Variants in TAF1B observed in about 807,000 individuals in gnomAD.
The protein encoded by TAF1B is TATA box-binding protein-associated factor RNA polymerase I subunit B.
Under a neutral mutation model 83.9 loss-of-function variants are expected in TAF1B, and 61 were observed. The observed-to-expected ratio is 0.73, with a 90% CI of 0.59 to 0.90. The LOEUF (loss-of-function observed/expected upper bound fraction) is 0.90, where lower values mean the gene tolerates loss of function less well. Ranked by LOEUF, TAF1B falls within the 40% of genes least tolerant of loss-of-function variation. TAF1B has a pLI of 0.00. For missense variants in TAF1B, 625 were observed against 677.0 expected, an observed-to-expected ratio of 0.92 and a Z score of 0.85; for synonymous variants, 221 against 224.6, an observed-to-expected ratio of 0.98 and a Z score of 0.14.
intron 14 of TAF1B, among the ~76,000 whole-genome samples, chr2:9,923,830 G>A (rs954245268): frequency 6.6e-6 from 1 of 152,224 alleles, no homozygotes. Flanking sequence ...TCCTGAAGAG[G>A]AGAAAGAGTT....
intron 5 of TAF1B, among the ~76,000 whole-genome samples, chr2:9,857,858 A>C (rs1663614310): frequency 6.6e-6 from 1 of 152,168 alleles, no homozygotes; most frequent in African/African-American, 2.4e-5. Flanking sequence ...CCCATGATCC[A>C]GTCACCTCTC....
At chr2:9,899,177 C>T (rs892881794) in intron 8 of TAF1B, among the ~76,000 whole-genome samples, 3 of 152,168 alleles carry the variant, frequency 2.0e-5, no homozygotes, top group African/African-American at 7.2e-5. Context: ...CCACTTGTTC[C>T]AGCCTCTGGT....
In TAF1B at chr2:9,933,903, C is replaced by G; in HGVS notation, c.1686C>G (p.Ser562Arg). ...IKTSLLHEEV[S>R]LVEKKLFEKK... Reference sequence around the variant, plus strand: ...CTTCCCTTCTCCATGAAGAAGTGAGCTTAGTTGAGAAGAAACTTTTTGAGA... The same window carrying G: ...CTTCCCTTCTCCATGAAGAAGTGAGGTTAGTTGAGAAGAAACTTTTTGAGA... The change falls in exon 15 of 15, where the codon AGC becomes AGG. Residue 562 changes from serine to arginine, a missense_variant. Transcript: ENST00000263663. 2.5e-6 allele frequency: 4 copies of G among 1,613,556 alleles called. No individual in the cohort carries two copies. The highest frequency in any genetic ancestry group is 3.4e-6 in the Non-Finnish European group (4 of 1,179,800).
At chr2:9,920,118 TTC>T (rs1021601199) in intron 14 of TAF1B, among the ~76,000 whole-genome samples, 1 of 152,240 alleles carries the variant, frequency 6.6e-6, no homozygotes, top group Non-Finnish European at 1.5e-5. Flanking sequence ...TACATATCAC[TTC>T]TCTGAGTCAG....
At chr2:9,905,371 G>C (rs921025360) in intron 9 of TAF1B, among the ~76,000 whole-genome samples, 1 of 152,048 alleles carries the variant, frequency 6.6e-6, no homozygotes, top group South Asian at 2.1e-4. Flanking sequence ...TTTGCATGAG[G>C]CATTATTATT....
chr2:9,882,955 A>G, intron 8 of TAF1B, 150 bp downstream of exon 8: 1 of 538,218 alleles, frequency 1.9e-6, no homozygotes, highest in Non-Finnish European at 3.2e-6. Flanking sequence ...GTAGAATTTT[A>G]TTATTTTTTA....
chr2:9,863,644 A>C (rs1663856608), intron 5 of TAF1B, among the ~76,000 whole-genome samples: 1 of 152,232 alleles, frequency 6.6e-6, no homozygotes, highest in Non-Finnish European at 1.5e-5. Context: ...CAGAATATAC[A>C]TTATTTTCAG....
intron 14 of TAF1B, among the ~76,000 whole-genome samples, chr2:9,929,391 C>A (rs767846878): frequency 6.6e-6 from 1 of 152,140 alleles, no homozygotes; most frequent in Non-Finnish European, 1.5e-5. Flanking sequence ...ATCTCCTGAC[C>A]TCGTGATCCA....
At chr2:9,887,874 A>G (rs1664729043) in intron 8 of TAF1B, among the ~76,000 whole-genome samples, 1 of 151,842 alleles carries the variant, frequency 6.6e-6, no homozygotes, top group Non-Finnish European at 1.5e-5. Context: ...TTTTTAAGGC[A>G]TAGGGTCTTA....
intron 14 of TAF1B, among the ~76,000 whole-genome samples, chr2:9,922,201 G>A (rs559112968): frequency 6.6e-6 from 1 of 152,338 alleles, no homozygotes; most frequent in African/African-American, 2.4e-5. Flanking sequence ...TGCTGACCCA[G>A]TTGTAAATGT....
intron 1 of TAF1B, among the ~76,000 whole-genome samples, chr2:9,844,790 G>A (rs762427895): frequency 5.3e-5 from 8 of 152,166 alleles, no homozygotes; most frequent in Non-Finnish European, 1.0e-4. Flanking sequence ...ATGCTGCCGA[G>A]TGAATAAATC....
intron 14 of TAF1B, among the ~76,000 whole-genome samples, chr2:9,923,666 C>T (rs1051401156): frequency 1.4e-5 from 2 of 141,690 alleles, no homozygotes; most frequent in African/African-American, 2.5e-5. Flanking sequence ...GCAACAAGAG[C>T]GAAACTCTGT....
At chr2:9,888,642 A>C (rs1420929204) in intron 8 of TAF1B, among the ~76,000 whole-genome samples, 1 of 151,738 alleles carries the variant, frequency 6.6e-6, no homozygotes, top group African/African-American at 2.4e-5. Flanking sequence ...TCTGATGTCA[A>C]TCTGCTATAA....
rs187337960 is a variant in TAF1B at position 9,848,569 on chromosome 2, G to T, written c.118-804G>T. Reference sequence around the variant, plus strand: ...TAATCCCAGCTGCTCAGGAGGCTGAGGCTGGAGAATTGCTTGAACCTGGGA... The same window carrying T: ...TAATCCCAGCTGCTCAGGAGGCTGATGCTGGAGAATTGCTTGAACCTGGGA... On this transcript the variant is annotated intron_variant, in intron 2 of 14. Coordinates refer to ENST00000263663, the MANE Select transcript of TAF1B (RefSeq NM_005680.3). Among the ~76,000 whole-genome samples, 355 of 152,234 alleles carry T rather than the reference G, an allele frequency of 2.3e-3. 3 individuals are homozygous for T. Among genetic ancestry groups the T allele is most frequent in the African/African-American group, 8.4e-3 (350 of 41,532 alleles).
rs543225052 is a variant in TAF1B, at chr2:9,880,031, G to A, written c.708-2675G>A. 7.2e-5 allele frequency among the ~76,000 whole-genome samples: 11 copies of A among 152,260 alleles called. No homozygotes were observed. In the South Asian group the frequency reaches 2.1e-3, roughly 29 times the overall value. On this transcript the variant is annotated intron_variant, in intron 7 of 14. Transcript: ENST00000263663. ...AGCTGTGGAAAATGAGTTCTGGGAA[G>A]GGTGGAAGCACGGAGACCAGGTGGT...
intron 14 of TAF1B, among the ~76,000 whole-genome samples, chr2:9,923,237 CAA>C (rs71391173): frequency 0.067 from 7,617 of 113,002 alleles, 211 homozygotes; most frequent in Middle Eastern, 0.083. Context: ...GACTCCATCT[CAA>C]AAAAAAAAAA....
chr2:9,891,909 GATGC>G (rs924495733), intron 8 of TAF1B, among the ~76,000 whole-genome samples: 3 of 152,166 alleles, frequency 2.0e-5, no homozygotes, highest in Non-Finnish European at 4.4e-5. Flanking sequence ...ATATAGAAAA[GATGC>G]AGTAAGCTAA....
intron 9 of TAF1B, among the ~76,000 whole-genome samples, chr2:9,909,305 A>G (rs1665448197): frequency 6.6e-6 from 1 of 152,248 alleles, no homozygotes; most frequent in African/African-American, 2.4e-5. Context: ...ATGCCAGGAC[A>G]TCTGCTTTAG....
At chr2:9,844,131 G>A (rs1663119613) in intron 1 of TAF1B, among the ~76,000 whole-genome samples, 1 of 152,096 alleles carries the variant, frequency 6.6e-6, no homozygotes, top group African/African-American at 2.4e-5. Flanking sequence ...TTTGTTTTAG[G>A]TACTACGTAA....
Sources: gnomAD v4.1 joint callset for allele counts (sites outside exome capture counted in the v4.1 genomes callset) on GRCh38, gnomAD v4.1.1 for gene constraint, MANE v1.5 for transcripts, NCBI Gene and HGNC (gene_info 2026-07-23, HGNC 2026-07-21) for gene names.